DNMBP: variants seen among roughly 807,000 people sequenced by gnomAD.
DNMBP encodes dynamin binding protein.
Under a neutral mutation model 150.0 loss-of-function variants are expected in DNMBP, and 87 were observed. That is an observed-to-expected ratio of 0.58 (90% CI 0.49 to 0.69). DNMBP has a LOEUF of 0.69. DNMBP is among the 30% of genes least tolerant of loss of function. The probability of loss-of-function intolerance (pLI) is 0.00; values close to 1 mark genes in which losing one functional copy is unlikely to be tolerated. For synonymous variants in DNMBP, 711 were observed against 750.4 expected (o/e 0.95, Z 0.86); for missense variants, 1,774 against 1,949.0 (o/e 0.91, Z 1.69).
chr10:99,972,811 G>A (rs1375119123), intron 1 of DNMBP, among the ~76,000 whole-genome samples: 1 of 152,136 alleles, frequency 6.6e-6, no homozygotes, highest in African/African-American at 2.4e-5. Context: ...ATCTCGCTGT[G>A]TGTTCCACAC....
intron 4 of DNMBP, chr10:99,927,213 T>C (rs1564734640): frequency 6.6e-6 from 1 of 151,966 alleles, no homozygotes; most frequent in Non-Finnish European, 1.5e-5. Context: ...ACAATCAAAC[T>C]TGAAGTGTTT....
At chr10:99,930,230 ATACCACAAC>A in intron 4 of DNMBP, 1 of 703,010 alleles carries the variant, frequency 1.4e-6, no homozygotes, top group South Asian at 1.5e-5. Context: ...CATGGTCTAT[ATACCACAAC>A]TGAGGTTGAC....
At chr10:99,897,541 A>G (rs2039673383) in intron 9 of DNMBP, among the ~76,000 whole-genome samples, 1 of 152,228 alleles carries the variant, frequency 6.6e-6, no homozygotes, top group Non-Finnish European at 1.5e-5. Flanking sequence ...CTGTCTTCAT[A>G]TCTCTTGAGA....
At chr10:99,943,700 G>A (rs576510151) in intron 4 of DNMBP, among the ~76,000 whole-genome samples, 187 of 152,268 alleles carry the variant, frequency 1.2e-3, no homozygotes, top group Non-Finnish European at 2.1e-3. Context: ...CACCATGCCC[G>A]GCTGAGAAAT....
chr10:99,942,719 A>G (rs372782349), intron 4 of DNMBP, among the ~76,000 whole-genome samples: 48 of 152,342 alleles, frequency 3.2e-4, no homozygotes, highest in African/African-American at 1.1e-3. Flanking sequence ...ATTCTAAGCT[A>G]CATTTCTTGA....
chr10:100,007,756 T>A (rs534482350), intron 1 of DNMBP, among the ~76,000 whole-genome samples: 1 of 152,378 alleles, frequency 6.6e-6, no homozygotes, highest in South Asian at 2.1e-4. Context: ...AAAGAGCTCA[T>A]TTTACTGCTG....
In DNMBP at chr10:99,907,992, T is replaced by C. The variant is rs768175439; in HGVS notation, c.2554+3A>G. On this transcript the variant is annotated splice_donor_region_variant and intron_variant, in intron 6 of 16. Coordinates refer to ENST00000324109, the MANE Select transcript of DNMBP (RefSeq NM_015221.4). ...GCTTCTGAAACAACACAGGAGCTCA[T>C]ACCTACAGCATCGCTGATTTCCAGA... 6.2e-7 allele frequency: 1 copy of C among 1,612,136 alleles called. No homozygotes were observed. The highest frequency in any genetic ancestry group is 8.5e-7 in the Non-Finnish European group (1 of 1,178,320).
intron 4 of DNMBP, among the ~76,000 whole-genome samples, chr10:99,952,883 A>G (rs150996177): frequency 6.6e-6 from 1 of 152,270 alleles, no homozygotes; most frequent in East Asian, 1.9e-4. Flanking sequence ...TCTCTGGATC[A>G]CCATTCTGCT....
chr10:99,966,693 G>A (rs980681579), intron 3 of DNMBP, among the ~76,000 whole-genome samples: 9 of 152,184 alleles, frequency 5.9e-5, no homozygotes, highest in Admixed American at 2.6e-4. Flanking sequence ...TAACAAGAAA[G>A]CATAGAGCTG....
At chr10:99,975,940 G>A (rs763660545) in intron 1 of DNMBP, among the ~76,000 whole-genome samples, 10 of 152,020 alleles carry the variant, frequency 6.6e-5, no homozygotes, top group Non-Finnish European at 1.2e-4. Flanking sequence ...CTGAGTCCTC[G>A]CAAGGACCCT....
intron 11 of DNMBP, among the ~76,000 whole-genome samples, chr10:99,893,323 T>C (rs998224447): frequency 1.3e-5 from 2 of 152,250 alleles, no homozygotes; most frequent in African/African-American, 2.4e-5. Flanking sequence ...CACAAGGATA[T>C]TCCTTGTATG....
intron 1 of DNMBP, among the ~76,000 whole-genome samples, chr10:99,996,552 T>A (rs975258084): frequency 7.2e-5 from 11 of 152,104 alleles, no homozygotes; most frequent in Non-Finnish European, 1.6e-4. Flanking sequence ...CCAAAAGATT[T>A]TCATAACTGT....
Position 99,886,451 on chromosome 10 carries a change from T to G in DNMBP, c.3467A>C (p.Asn1156Thr), listed in dbSNP as rs147671401. ...CAGCTGTGCATTCAGGGCCTCATAG[T>G]TGTTCCGGGCCGACTGCAGCTCCTC... The part of the protein sequence containing the change: ...TLEELQSARN[N>T]YEALNAQLLD... Residue 1156 changes from asparagine to threonine, a missense_variant, in exon 13 of 17, where the codon AAC (asparagine) becomes ACC (threonine). Coordinates refer to ENST00000324109, the MANE Select transcript of DNMBP (RefSeq NM_015221.4). 5 of 1,614,106 alleles carry G rather than the reference T, an allele frequency of 3.1e-6. No homozygotes were observed. The South Asian group carries it at 5.5e-5, about 18-fold the overall frequency.
chr10:99,888,990 C>T (rs1419659516), intron 11 of DNMBP, 37 bp from the exon 12 acceptor site: 1 of 1,607,554 alleles, frequency 6.2e-7, no homozygotes, highest in Admixed American at 1.7e-5. Context: ...TCAGAACAGA[C>T]AGAACTTTCC....
intron 4 of DNMBP, among the ~76,000 whole-genome samples, chr10:99,953,814 A>C (rs1010139823): frequency 2.1e-5 from 3 of 140,796 alleles, no homozygotes; most frequent in African/African-American, 8.2e-5. Context: ...ACTCTGTCTC[A>C]AAAAAAAAAA....
At chr10:99,991,688 C>T (rs1743880094) in intron 1 of DNMBP, among the ~76,000 whole-genome samples, 1 of 151,674 alleles carries the variant, frequency 6.6e-6, no homozygotes, top group African/African-American at 2.4e-5. Context: ...AGGCGGATCA[C>T]AAGGTCAGGA....
At chr10:99,915,164 T>C (rs2039950220) in intron 4 of DNMBP, among the ~76,000 whole-genome samples, 1 of 141,858 alleles carries the variant, frequency 7.0e-6, no homozygotes, top group South Asian at 2.2e-4. Context: ...TATATACACA[T>C]ATACACATAT....
chr10:99,981,765 G>C (rs192881382), intron 1 of DNMBP, among the ~76,000 whole-genome samples: 52 of 152,276 alleles, frequency 3.4e-4, no homozygotes, highest in African/African-American at 1.1e-3. Flanking sequence ...GTTGGGTTCA[G>C]CCAATGGATG....
chr10:99,931,977 A>T (rs1430082362), intron 4 of DNMBP, among the ~76,000 whole-genome samples: 2 of 152,230 alleles, frequency 1.3e-5, no homozygotes, highest in African/African-American at 4.8e-5. Flanking sequence ...CATCTGAAGG[A>T]TATAATACGT....
Sources: allele counts gnomAD v4.1 joint callset (sites outside exome capture counted in the v4.1 genomes callset), GRCh38; gene constraint gnomAD v4.1.1; transcripts MANE v1.5; gene names NCBI Gene and HGNC (gene_info 2026-07-23, HGNC 2026-07-21).